The following ANKS1B variants were observed in gnomAD, a reference collection of about 807,000 sequenced individuals.
The protein encoded by ANKS1B is ankyrin repeat and sterile alpha motif domain containing 1B.
A neutral mutation model predicts 148.3 loss-of-function variants in ANKS1B; 36 were observed. The observed-to-expected ratio is 0.24, with a 90% confidence interval of 0.19 to 0.32. ANKS1B has a LOEUF of 0.32. Among genes scored for constraint, ANKS1B ranks in the 10% least tolerant of loss-of-function variants. The pLI, the probability that ANKS1B is intolerant of heterozygous loss-of-function variation, is 1.00. For missense variants in ANKS1B, 1,157 were observed against 1,542.6 expected, an observed-to-expected ratio of 0.75 and a Z score of 4.19; for synonymous variants, 542 against 560.8, an observed-to-expected ratio of 0.97 and a Z score of 0.47.
intron 17 of ANKS1B, among the ~76,000 whole-genome samples, chr12:98,849,047 G>A (rs946182732): frequency 1.4e-4 from 22 of 151,824 alleles, no homozygotes; most frequent in Admixed American, 6.6e-4. Context: ...CCTGATTTGC[G>A]ATTTTTCATG....
intron 12 of ANKS1B, among the ~76,000 whole-genome samples, chr12:99,369,784 A>ACGGACG (rs2093000052): frequency 6.9e-6 from 1 of 144,282 alleles, no homozygotes; most frequent in African/African-American, 2.7e-5. Flanking sequence ...ATAGATAGAT[A>ACGGACG]GATAGATGGA....
chr12:98,852,241 G>A (rs1452000429), intron 17 of ANKS1B, among the ~76,000 whole-genome samples: 1 of 152,078 alleles, frequency 6.6e-6, no homozygotes, highest in Admixed American at 6.6e-5. Context: ...GTGGCTACTT[G>A]CAGTGGGTGC....
intron 11 of ANKS1B, among the ~76,000 whole-genome samples, chr12:99,427,972 C>A (rs1271348798): frequency 1.3e-5 from 2 of 152,034 alleles, no homozygotes; most frequent in African/African-American, 4.8e-5. Context: ...TAAACAGGAG[C>A]CCAGTGCAAG....
chr12:99,390,491 C>T (rs12580948), intron 12 of ANKS1B, among the ~76,000 whole-genome samples: 7 of 152,160 alleles, frequency 4.6e-5, no homozygotes, highest in South Asian at 2.1e-4. Context: ...AATTTCAAAA[C>T]GGAAAAGGCT....
chr12:98,767,597 C>G (rs1171811567), intron 25 of ANKS1B, among the ~76,000 whole-genome samples: 1 of 152,176 alleles, frequency 6.6e-6, no homozygotes, highest in Non-Finnish European at 1.5e-5. Context: ...TGAGAATTAG[C>G]AAGGGTCTGG....
intron 14 of ANKS1B, among the ~76,000 whole-genome samples, chr12:99,189,541 A>G (rs1056549330): frequency 1.3e-5 from 2 of 152,218 alleles, no homozygotes; most frequent in African/African-American, 4.8e-5. Flanking sequence ...GGTTCAATAT[A>G]TATACAAATC....
intron 12 of ANKS1B, among the ~76,000 whole-genome samples, chr12:99,292,807 T>C (rs2080215535): frequency 6.6e-6 from 1 of 152,132 alleles, no homozygotes. Context: ...TGAGATACCA[T>C]CTCACACCAG....
intron 9 of ANKS1B, among the ~76,000 whole-genome samples, chr12:99,553,421 T>A (rs1418415137): frequency 1.3e-5 from 2 of 152,168 alleles, no homozygotes; most frequent in African/African-American, 4.8e-5. Flanking sequence ...TCATTATTAA[T>A]ACTGTTGCTA....
At chr12:99,510,122 T>C (rs2096749752) in intron 9 of ANKS1B, among the ~76,000 whole-genome samples, 1 of 151,990 alleles carries the variant, frequency 6.6e-6, no homozygotes, top group Admixed American at 6.6e-5. Flanking sequence ...AATATTACTA[T>C]TCATTGACAA....
At position 99,148,987 on chromosome 12, in the gene ANKS1B, G is replaced by T. The variant is rs561729442; in HGVS notation, c.2526+5302C>A. ...TAAGAAGGTATAGGAAATTTGGCAG[G>T]TATTTTTCTCTTGTATCTTTAAATC... On this transcript the variant is annotated intron_variant, in intron 15 of 26. Transcript: ENST00000683438. 1.1e-4 allele frequency among the ~76,000 whole-genome samples: 16 copies of T among 151,568 alleles called. No homozygotes were observed. The East Asian group carries it at 3.1e-3, about 29-fold the overall frequency.
At chr12:99,314,749 C>T (rs947610540) in intron 12 of ANKS1B, among the ~76,000 whole-genome samples, 2 of 152,138 alleles carry the variant, frequency 1.3e-5, no homozygotes, top group African/African-American at 4.8e-5. Context: ...CTTCCTTATA[C>T]CTTTTATAAA....
intron 8 of ANKS1B, among the ~76,000 whole-genome samples, chr12:99,679,442 G>A (rs374885442): frequency 1.5e-4 from 23 of 152,092 alleles, no homozygotes; most frequent in East Asian, 5.8e-4. Context: ...CAAGTACCTC[G>A]GACTACAGGT....
intron 1 of ANKS1B, among the ~76,000 whole-genome samples, chr12:99,943,685 AC>A (rs1230322986): frequency 6.6e-6 from 1 of 150,422 alleles, no homozygotes; most frequent in Admixed American, 6.6e-5. Context: ...TGATTCAATT[AC>A]CCCCCACCAG....
chr12:99,142,502 T>A (rs1046500627), intron 15 of ANKS1B, among the ~76,000 whole-genome samples: 5 of 151,980 alleles, frequency 3.3e-5, no homozygotes, highest in Non-Finnish European at 7.4e-5. Flanking sequence ...TGAAAAAAAA[T>A]CAGGTTATAT....
chr12:98,965,938 A>G (rs575329134), intron 17 of ANKS1B, among the ~76,000 whole-genome samples: 2 of 152,360 alleles, frequency 1.3e-5, no homozygotes, highest in East Asian at 1.9e-4. Context: ...CTAATACCAT[A>G]AAAACCCTAG....
At chr12:99,197,715 G>T (rs1287779071) in intron 14 of ANKS1B, among the ~76,000 whole-genome samples, 1 of 152,074 alleles carries the variant, frequency 6.6e-6, no homozygotes, top group African/African-American at 2.4e-5. Context: ...AAGAAATGTG[G>T]GTGGCCTTTA....
chr12:99,204,802 G>A (rs1426534499), intron 14 of ANKS1B, among the ~76,000 whole-genome samples: 1 of 152,154 alleles, frequency 6.6e-6, no homozygotes, highest in African/African-American at 2.4e-5. Flanking sequence ...AGGGTAGCCC[G>A]TGGAAGTCTG....
intron 11 of ANKS1B, among the ~76,000 whole-genome samples, chr12:99,420,162 T>G (rs10860436): frequency 0.19 from 28,213 of 152,124 alleles, 3,416 homozygotes; most frequent in African/African-American, 0.35. Flanking sequence ...TCTCAACACT[T>G]AAAAGCCATG....
intron 10 of ANKS1B, among the ~76,000 whole-genome samples, chr12:99,460,677 C>A (rs1316755919): frequency 1.3e-5 from 2 of 151,072 alleles, no homozygotes; most frequent in African/African-American, 4.9e-5. Flanking sequence ...CAGGGAAATG[C>A]AAATCAAAAC....
Sources: allele counts gnomAD v4.1 joint callset (sites outside exome capture counted in the v4.1 genomes callset), GRCh38; gene constraint gnomAD v4.1.1; transcripts MANE v1.5; gene names NCBI Gene and HGNC (gene_info 2026-07-23, HGNC 2026-07-21).